Variants in PALM2AKAP2 observed in about 807,000 individuals in gnomAD.
PALM2AKAP2 encodes PALM2-AKAP2 fusion protein.
In PALM2AKAP2, 37 loss-of-function variants were observed where a neutral mutation model predicts 71.5. The observed-to-expected ratio is 0.52, with a 90% CI of 0.40 to 0.68. PALM2AKAP2 has a LOEUF of 0.68. Ranked by LOEUF, PALM2AKAP2 falls within the 30% of genes least tolerant of loss-of-function variation. The pLI is 0.00. For synonymous variants in PALM2AKAP2, 468 were observed against 478.8 expected (o/e 0.98, Z 0.29); for missense variants, 1,224 against 1,191.8 (o/e 1.03, Z -0.40).
intron 1 of PALM2AKAP2, among the ~76,000 whole-genome samples, chr9:110,117,973 T>TTTTGTGTGTGTGTG (rs1835402245): frequency 7.2e-6 from 1 of 138,502 alleles, no homozygotes; most frequent in Non-Finnish European, 1.6e-5. Context: ...ATATGTCGTT[T>TTTTGTGTGTGTGTG]TGTGTGTGTG....
intron 7 of PALM2AKAP2, among the ~76,000 whole-genome samples, chr9:110,037,046 A>C (rs980101997): frequency 6.6e-6 from 1 of 152,152 alleles, no homozygotes; most frequent in Non-Finnish European, 1.5e-5. Flanking sequence ...ATGTATCTGC[A>C]TGAGTGAATT....
intron 7 of PALM2AKAP2, among the ~76,000 whole-genome samples, chr9:110,040,875 C>T (rs985588161): frequency 6.6e-6 from 1 of 152,192 alleles, no homozygotes; most frequent in Non-Finnish European, 1.5e-5. Context: ...AAGCTGTGTA[C>T]ATTCCAAGTA....
intron 1 of PALM2AKAP2, among the ~76,000 whole-genome samples, chr9:110,128,399 G>A (rs777745959): frequency 9.9e-5 from 15 of 152,182 alleles, no homozygotes; most frequent in Non-Finnish European, 1.6e-4. Flanking sequence ...AAGGGAAAAC[G>A]GAGATACTCT....
At chr9:109,818,203 C>T (rs1225274079) in intron 1 of PALM2AKAP2, among the ~76,000 whole-genome samples, 1 of 152,038 alleles carries the variant, frequency 6.6e-6, no homozygotes, top group African/African-American at 2.4e-5. Context: ...TATAAATAAG[C>T]CTTTCGAAAA....
chr9:109,894,024 TAAAAA>T (rs552808725), intron 3 of PALM2AKAP2, among the ~76,000 whole-genome samples: 1 of 132,874 alleles, frequency 7.5e-6, no homozygotes. Context: ...GTTGCTTATT[TAAAAA>T]AAAAAAAAAA....
At chr9:109,840,592 G>C (rs1828630790) in intron 1 of PALM2AKAP2, among the ~76,000 whole-genome samples, 1 of 152,178 alleles carries the variant, frequency 6.6e-6, no homozygotes, top group South Asian at 2.1e-4. Context: ...CCTACAGAAT[G>C]GGAGAACATT....
chr9:109,683,049 C>T (rs899048594), intron 1 of PALM2AKAP2, among the ~76,000 whole-genome samples: 9 of 152,072 alleles, frequency 5.9e-5, no homozygotes, highest in Non-Finnish European at 1.0e-4. Flanking sequence ...TGAGTTCTTT[C>T]GAGATCTGGT....
chr9:109,998,775 A>AT lies in PALM2AKAP2; in HGVS notation c.497-17179_497-17178insT. Among the ~76,000 whole-genome samples, 2 of 151,244 alleles carry AT rather than the reference A, an allele frequency of 1.3e-5. 1 individual carries two copies. The highest frequency in any genetic ancestry group is 3.9e-4 in the East Asian group (2 of 5,158). The stretch of plus-strand genomic sequence containing the variant: ...GCGAGACCCTGTCGCAAAAAAAAAA[A>AT]AAAAAAAGGGGGGATAGTCCATTCT... On this transcript the variant is annotated intron_variant, in intron 6 of 9. Coordinates refer to the PALM2AKAP2 transcript ENST00000302798.
At chr9:109,734,244 A>T (rs1828596814) in intron 1 of PALM2AKAP2, among the ~76,000 whole-genome samples, 1 of 149,488 alleles carries the variant, frequency 6.7e-6, no homozygotes, top group African/African-American at 2.5e-5. Context: ...ATTTGTAGTC[A>T]TTTTTTTTTT....
At chr9:110,013,624 T>C (rs1832922633) in intron 6 of PALM2AKAP2, among the ~76,000 whole-genome samples, 1 of 152,348 alleles carries the variant, frequency 6.6e-6, no homozygotes, top group African/African-American at 2.4e-5. Context: ...TCCTGCAACC[T>C]AGTCAGAGAG....
At chr9:110,048,949 A>T in intron 1 of PALM2AKAP2, 1 of 1,380,392 alleles carries the variant, frequency 7.2e-7, no homozygotes, top group Non-Finnish European at 9.4e-7. Flanking sequence ...AGGGCTGGAA[A>T]TCTGGGAGTC....
chr9:109,668,923 G>A (rs762914355), intron 1 of PALM2AKAP2, among the ~76,000 whole-genome samples: 2 of 152,156 alleles, frequency 1.3e-5, no homozygotes, highest in Non-Finnish European at 2.9e-5. Context: ...CAACAGCTGG[G>A]ACCTATCTTG....
chr9:109,813,402 C>T (rs1827772749), intron 1 of PALM2AKAP2, among the ~76,000 whole-genome samples: 1 of 139,936 alleles, frequency 7.1e-6, no homozygotes, highest in African/African-American at 2.5e-5. Context: ...ACTCCAGTTG[C>T]CAACAATCTG....
chr9:110,057,314 G>A (rs530129585), intron 1 of PALM2AKAP2, among the ~76,000 whole-genome samples: 101 of 151,794 alleles, frequency 6.7e-4, no homozygotes, highest in Admixed American at 5.9e-4. Flanking sequence ...ACCATCCAGG[G>A]GTCCCACAGC....
chr9:109,971,361 G>A (rs1407724623), intron 6 of PALM2AKAP2, among the ~76,000 whole-genome samples: 2 of 117,390 alleles, frequency 1.7e-5, no homozygotes, highest in Non-Finnish European at 3.3e-5. Context: ...TGTGTTCATA[G>A]TGTTTCCAAG....
chr9:110,153,396 T>C (rs1836370642), intron 2 of PALM2AKAP2, among the ~76,000 whole-genome samples: 1 of 152,202 alleles, frequency 6.6e-6, no homozygotes, highest in African/African-American at 2.4e-5. Context: ...CCAGGGTTGT[T>C]GCAAGGCTCA....
At chr9:110,143,529 AT>A (rs1247584909) in intron 2 of PALM2AKAP2, among the ~76,000 whole-genome samples, 1 of 152,160 alleles carries the variant, frequency 6.6e-6, no homozygotes, top group Admixed American at 6.5e-5. Context: ...TGAGGAAAGA[AT>A]TAGGGGGTGG....
At chr9:110,050,694 C>A (rs1833694043) in intron 1 of PALM2AKAP2, among the ~76,000 whole-genome samples, 1 of 152,022 alleles carries the variant, frequency 6.6e-6, no homozygotes, top group Non-Finnish European at 1.5e-5. Flanking sequence ...ATGGCATGAT[C>A]TTGGCTCACT....
intron 1 of PALM2AKAP2, among the ~76,000 whole-genome samples, chr9:109,759,115 A>G (rs2118730055): frequency 6.6e-6 from 1 of 152,194 alleles, no homozygotes; most frequent in East Asian, 1.9e-4. Flanking sequence ...ACATCTTTTC[A>G]TAGTTTGAGA....
Sources: gnomAD v4.1 joint callset for allele counts (sites outside exome capture counted in the v4.1 genomes callset) on GRCh38, gnomAD v4.1.1 for gene constraint, MANE v1.5 for transcripts, NCBI Gene and HGNC (gene_info 2026-07-23, HGNC 2026-07-21) for gene names.